The following CTNNA3 variants were observed in gnomAD, a reference collection of about 807,000 sequenced individuals.
CTNNA3 encodes the protein catenin alpha 3, also known as catenin alpha-3.
A neutral mutation model predicts 95.7 loss-of-function variants in CTNNA3; 76 were observed. That is an observed-to-expected ratio of 0.79 (90% CI 0.66 to 0.96). CTNNA3 has a LOEUF of 0.96. Among genes scored for constraint, CTNNA3 ranks in the 40% least tolerant of loss-of-function variants. The pLI is 0.00. For missense variants in CTNNA3, 1,191 were observed against 1,089.8 expected, an observed-to-expected ratio of 1.09 and a Z score of -1.31; for synonymous variants, 431 against 374.4, an observed-to-expected ratio of 1.15 and a Z score of -1.74.
At chr10:67,096,462 CA>C (rs1270265562) in intron 7 of CTNNA3, among the ~76,000 whole-genome samples, 3 of 151,828 alleles carry the variant, frequency 2.0e-5, no homozygotes, top group African/African-American at 4.8e-5. Context: ...CTGATGTGCT[CA>C]AACAAATATA....
chr10:67,739,336 G>T (rs1477090810), intron 1 of CTNNA3, among the ~76,000 whole-genome samples: 1 of 152,076 alleles, frequency 6.6e-6, no homozygotes, highest in Non-Finnish European at 1.5e-5. Flanking sequence ...GAAATAAAGG[G>T]TATTCAATTA....
At chr10:66,073,123 G>C (rs1040044861) in intron 14 of CTNNA3, among the ~76,000 whole-genome samples, 1 of 152,078 alleles carries the variant, frequency 6.6e-6, no homozygotes, top group African/African-American at 2.4e-5. Flanking sequence ...AGCTGGGGTA[G>C]TGGGGGAGGG....
intron 9 of CTNNA3, among the ~76,000 whole-genome samples, chr10:66,688,834 C>G (rs751735692): frequency 6.6e-6 from 1 of 150,942 alleles, no homozygotes; most frequent in Non-Finnish European, 1.5e-5. Context: ...ATTAGCCGGG[C>G]GTGGTGGCGG....
At chr10:67,687,134 G>A (rs1412214453) in intron 1 of CTNNA3, among the ~76,000 whole-genome samples, 1 of 152,106 alleles carries the variant, frequency 6.6e-6, no homozygotes, top group Admixed American at 6.5e-5. Flanking sequence ...GTCCAGGACA[G>A]GAGATTAACA....
chr10:66,973,790 A>G (rs1849864461), intron 7 of CTNNA3, among the ~76,000 whole-genome samples: 1 of 151,762 alleles, frequency 6.6e-6, no homozygotes, highest in Non-Finnish European at 1.5e-5. Flanking sequence ...TGCCCAGCTA[A>G]TTTTTTGTAT....
intron 13 of CTNNA3, among the ~76,000 whole-genome samples, chr10:66,126,795 T>C (rs1405037807): frequency 6.6e-6 from 1 of 152,042 alleles, no homozygotes; most frequent in African/African-American, 2.4e-5. Flanking sequence ...GTGATAGAAA[T>C]AAATGACTGA....
intron 10 of CTNNA3, among the ~76,000 whole-genome samples, chr10:66,543,225 T>G (rs1356283634): frequency 6.6e-6 from 1 of 152,052 alleles, no homozygotes; most frequent in Non-Finnish European, 1.5e-5. Flanking sequence ...CCCGAGTAGC[T>G]GGGATTACAG....
At chr10:67,344,151 G>A (rs1016023100) in intron 5 of CTNNA3, among the ~76,000 whole-genome samples, 1 of 151,774 alleles carries the variant, frequency 6.6e-6, no homozygotes, top group Non-Finnish European at 1.5e-5. Flanking sequence ...ATTGTTTCAT[G>A]TATGTTGAAC....
At chr10:66,997,098 G>C (rs1851397720) in intron 7 of CTNNA3, among the ~76,000 whole-genome samples, 1 of 152,148 alleles carries the variant, frequency 6.6e-6, no homozygotes, top group Non-Finnish European at 1.5e-5. Context: ...GTGATGGCAA[G>C]AATAAGAGCA....
chr10:67,357,834 C>T (rs961130154), intron 5 of CTNNA3, among the ~76,000 whole-genome samples: 6 of 151,924 alleles, frequency 3.9e-5, no homozygotes, highest in African/African-American at 9.7e-5. Context: ...CAAAACAATG[C>T]TAAAAAATTA....
rs2660032 is a variant in CTNNA3 at position 66,612,220 on chromosome 10, C to G, written c.1374+9472G>C. 3.4e-3 allele frequency among the ~76,000 whole-genome samples: 511 copies of G among 152,086 alleles called. 6 individuals carry two copies. Among genetic ancestry groups the G allele is most frequent in the African/African-American group, 0.012 (490 of 41,488 alleles). On this transcript the variant is annotated intron_variant, in intron 10 of 17. Transcript: ENST00000433211. ...TGTCCCATCTTAAAAATTCTTATTC[C>G]TACATCTCTTATTCAGATCCTGACT...
intron 11 of CTNNA3, among the ~76,000 whole-genome samples, chr10:66,411,786 T>C (rs192559110): frequency 6.6e-6 from 1 of 152,270 alleles, no homozygotes; most frequent in East Asian, 1.9e-4. Flanking sequence ...GTCTTTTAGA[T>C]TGGTTCTGAG....
At chr10:66,323,420 G>A (rs1290548970) in intron 12 of CTNNA3, among the ~76,000 whole-genome samples, 1 of 151,894 alleles carries the variant, frequency 6.6e-6, no homozygotes. Context: ...AAGGGGCACG[G>A]ATCACCTGAG....
At chr10:66,803,617 A>C (rs1019355106) in intron 7 of CTNNA3, among the ~76,000 whole-genome samples, 2 of 152,070 alleles carry the variant, frequency 1.3e-5, no homozygotes, top group Admixed American at 6.6e-5. Flanking sequence ...ATAGACACTT[A>C]TTGCAGGCAG....
At chr10:66,399,577 T>C (rs112176466) in intron 11 of CTNNA3, among the ~76,000 whole-genome samples, 4 of 152,112 alleles carry the variant, frequency 2.6e-5, no homozygotes, top group African/African-American at 9.6e-5. Flanking sequence ...AGAACTGGAC[T>C]ATTTTTCTCA....
intron 15 of CTNNA3, 109 bp downstream of exon 15, chr10:66,069,199 C>T: frequency 9.6e-7 from 1 of 1,038,052 alleles, no homozygotes; most frequent in Non-Finnish European, 1.5e-6. Context: ...TGCTTTTCCC[C>T]TACCACCTGA....
intron 12 of CTNNA3, among the ~76,000 whole-genome samples, chr10:66,343,510 T>C (rs1375782321): frequency 6.6e-6 from 1 of 151,114 alleles, no homozygotes; most frequent in Non-Finnish European, 1.5e-5. Context: ...TACTCAAATG[T>C]GGAAGTTAAA....
chr10:67,261,342 G>T (rs554609068), intron 5 of CTNNA3, among the ~76,000 whole-genome samples: 19 of 152,244 alleles, frequency 1.2e-4, no homozygotes, highest in Admixed American at 1.2e-3. Flanking sequence ...ATTTAACTGA[G>T]TTCAAGGAGT....
chr10:67,752,910 A>T (rs1841414844), intron 1 of CTNNA3, among the ~76,000 whole-genome samples: 1 of 152,242 alleles, frequency 6.6e-6, no homozygotes, highest in Non-Finnish European at 1.5e-5. Flanking sequence ...AGTAATTTAC[A>T]GATTTAATGC....
Sources: allele counts gnomAD v4.1 joint callset (sites outside exome capture counted in the v4.1 genomes callset), GRCh38; gene constraint gnomAD v4.1.1; transcripts MANE v1.5; gene names NCBI Gene and HGNC (gene_info 2026-07-23, HGNC 2026-07-21).